Variants in PDCD11 observed in about 807,000 individuals in gnomAD.
The protein encoded by PDCD11 is programmed cell death 11.
PDCD11 carries 97 observed loss-of-function variants against 198.9 expected under a neutral mutation model. The ratio of observed to expected loss-of-function variants is 0.49; its 90% CI spans 0.41 to 0.58. The LOEUF (loss-of-function observed/expected upper bound fraction) is 0.58, where lower values mean the gene tolerates loss of function less well. Ranked by LOEUF, PDCD11 falls within the 20% of genes least tolerant of loss-of-function variation. PDCD11 has a pLI of 0.00. For missense variants in PDCD11, 2,102 were observed against 2,312.7 expected (o/e 0.91, Z 1.87); for synonymous variants, 893 against 918.0 (o/e 0.97, Z 0.49).
At chr10:103,405,853 C>A in intron 5 of PDCD11, 132 bp from the exon 6 acceptor site, 1 of 959,274 alleles carries the variant, frequency 1.0e-6, no homozygotes, top group South Asian at 1.5e-5. Flanking sequence ...GGGATTGTGG[C>A]TTAAGGTTTA....
At chr10:103,408,898 A>G (rs572400620) in intron 7 of PDCD11, among the ~76,000 whole-genome samples, 3 of 148,080 alleles carry the variant, frequency 2.0e-5, no homozygotes, top group Non-Finnish European at 3.0e-5. Context: ...AATTTGGGCA[A>G]CCTCCTAATG....
Position 103,414,400 on chromosome 10 carries a change from T to C in PDCD11, c.1371+70T>C, listed in dbSNP as rs531384984. ...GTTCTTTAGTTCACGCACAGGTGACTGTCAGCCCGTTAGTCCTCATGTTAA... is the reference window on the plus strand; with the variant it reads ...GTTCTTTAGTTCACGCACAGGTGACCGTCAGCCCGTTAGTCCTCATGTTAA... On this transcript the variant is annotated intron_variant, in intron 11 of 35. Coordinates refer to ENST00000369797, the MANE Select transcript of PDCD11 (RefSeq NM_014976.2). The C allele has an allele frequency of 1.8e-4, 190 of 1,075,888 alleles. 2 individuals are homozygous for C. In the East Asian group the frequency reaches 4.5e-3, roughly 25 times the overall value. The allele number at this position is 1,075,888 out of a possible 1,614,324, so 66.6% of individuals were successfully genotyped here.
At chr10:103,420,569 G>A (rs1477119899) in intron 16 of PDCD11, among the ~76,000 whole-genome samples, 1 of 152,192 alleles carries the variant, frequency 6.6e-6, no homozygotes, top group East Asian at 1.9e-4. Flanking sequence ...ATGGAAGACA[G>A]CGAGCAAATG....
Position 103,442,209 on chromosome 10 carries a change from G to C in PDCD11, c.4708-4G>C. ...ACTCACGGTGTTTCTGCTTTCCATA[G>C]CAGATAAAGAAAAGCAAGAAAGAAA... On this transcript the variant is annotated splice_region_variant and splice_polypyrimidine_tract_variant and intron_variant, in intron 31 of 35. Transcript: ENST00000369797. 1 of 1,613,838 alleles carries C rather than the reference G, an allele frequency of 6.2e-7. No homozygotes were observed. Among genetic ancestry groups the C allele is most frequent in the Non-Finnish European group, 8.5e-7 (1 of 1,179,936 alleles).
At position 103,427,389 on chromosome 10, in the gene PDCD11, A is replaced by G; in HGVS notation, c.3366A>G (p.Pro1122=). 6.2e-7 allele frequency: 1 copy of G among 1,611,038 alleles called. No homozygotes were observed. The highest frequency in any genetic ancestry group is 8.5e-7 in the Non-Finnish European group (1 of 1,178,354). The change falls in exon 21 of 36, where the codon CCA becomes CCG. Residue 1122 remains proline (P), a splice_region_variant and synonymous_variant. Coordinates refer to ENST00000369797, the MANE Select transcript of PDCD11 (RefSeq NM_014976.2). ...CCATCCCGGAGCTGAGTGTTCGGCC[A>G]AGGTGAGGGGGACATTAGCAGCACT... The part of the protein sequence containing the change: ...VRTIPELSVR[P]SELEDGHTAL...
chr10:103,414,945 A>G (rs1205828309), intron 11 of PDCD11, 60 bp from the exon 12 acceptor site: 14 of 1,588,336 alleles, frequency 8.8e-6, no homozygotes, highest in Non-Finnish European at 9.5e-6. Flanking sequence ...GCCTTGTTGT[A>G]AGAGGTGGGG....
In PDCD11 at chr10:103,418,534, T is replaced by G; in HGVS notation, c.2006T>G (p.Leu669Arg). 1 of 1,614,226 alleles carries G rather than the reference T, an allele frequency of 6.2e-7. No individual in the cohort carries two copies. The highest frequency in any genetic ancestry group is 2.2e-5 in the East Asian group (1 of 44,882). Residue 669 changes from leucine (L) to arginine (R), a missense_variant, in exon 15 of 36, where the codon CTG becomes CGG. Coordinates refer to ENST00000369797, the MANE Select transcript of PDCD11 (RefSeq NM_014976.2). ...NIRAFLPTSHLSDHVANGPLL... is the reference protein window; with the variant it reads ...NIRAFLPTSHRSDHVANGPLL... Reference sequence around the variant, plus strand: ...CGTGCTTTCCTCCCCACATCTCATCTGTCGGACCACGTTGCCAACGGCCCA... The same window carrying G: ...CGTGCTTTCCTCCCCACATCTCATCGGTCGGACCACGTTGCCAACGGCCCA...
chr10:103,444,019 C>G lies in PDCD11; in HGVS notation c.5229C>G (p.Ala1743=). 1 of 1,612,922 alleles carries G rather than the reference C, an allele frequency of 6.2e-7. No homozygotes were observed. Residue 1743 remains alanine, a synonymous_variant, in exon 34 of 36, where the codon GCC becomes GCG. Transcript: ENST00000369797. ...AFLLRRSQAA[A]SHRVLQRALE... ...TTCTGCGGAGGAGCCAGGCTGCAGCCAGTCACCGCGTGCTGCAGCGAGCCC... is the reference window on the plus strand; with the variant it reads ...TTCTGCGGAGGAGCCAGGCTGCAGCGAGTCACCGCGTGCTGCAGCGAGCCC...
chr10:103,406,734 A>G lies in PDCD11; in HGVS notation c.814A>G (p.Ser272Gly). 6.2e-7 allele frequency: 1 copy of G among 1,614,210 alleles called. No individual in the cohort carries two copies. The highest frequency in any genetic ancestry group is 1.3e-5 in the African/African-American group (1 of 75,060). ...VSTAIATEQQSWNLNNLLPGL... is the reference protein window; with the variant it reads ...VSTAIATEQQGWNLNNLLPGL... Reference sequence around the variant, plus strand: ...TACGGCCATTGCTACTGAACAGCAGAGCTGGAACCTTAATAACTTGCTACC... The same window carrying G: ...TACGGCCATTGCTACTGAACAGCAGGGCTGGAACCTTAATAACTTGCTACC... Residue 272 changes from serine to glycine, a missense_variant, in exon 7 of 36, where the codon AGC becomes GGC. By Grantham distance (56) the Ser-to-Gly change is moderately conservative. Coordinates refer to ENST00000369797, the MANE Select transcript of PDCD11 (RefSeq NM_014976.2).
intron 34 of PDCD11, 116 bp downstream of exon 34, chr10:103,444,184 C>T (rs2032505847): frequency 1.2e-6 from 1 of 835,970 alleles, no homozygotes; most frequent in Non-Finnish European, 1.8e-6. Flanking sequence ...TTTCCTCTTG[C>T]TGCCTGTTGA....
chr10:103,401,985 G>T (rs1017099770), intron 3 of PDCD11, among the ~76,000 whole-genome samples: 7 of 152,030 alleles, frequency 4.6e-5, no homozygotes, highest in African/African-American at 1.7e-4. Flanking sequence ...CTTGTAATCT[G>T]CCCGCCTCCG....
chr10:103,402,021 C>T (rs7076463), intron 3 of PDCD11, among the ~76,000 whole-genome samples: 40,661 of 152,124 alleles, frequency 0.27, 6,553 homozygotes, highest in South Asian at 0.5. Context: ...GGATTACAGG[C>T]GTGAGCCACT....
intron 4 of PDCD11, 65 bp downstream of exon 4, chr10:103,403,350 C>A (rs945749359): frequency 3.4e-6 from 5 of 1,477,518 alleles, no homozygotes; most frequent in Middle Eastern, 1.8e-4. Context: ...TTTAAAATTA[C>A]AACTTTGCCA....
intron 28 of PDCD11, 42 bp from the exon 29 acceptor site, chr10:103,440,248 C>T (rs775611715): frequency 2.5e-6 from 4 of 1,569,774 alleles, no homozygotes; most frequent in South Asian, 1.2e-5. Flanking sequence ...GTGCCCTCTG[C>T]TTTTTATGAT....
chr10:103,406,868 T>C (rs2030486732), intron 7 of PDCD11, 78 bp downstream of exon 7: 17 of 1,184,730 alleles, frequency 1.4e-5, no homozygotes, highest in Non-Finnish European at 2.0e-5. Context: ...AGTCTAAAAC[T>C]ACTGTCTGAT....
chr10:103,443,153 C>T lies in PDCD11; in HGVS notation c.4956-12C>T. 1 of 1,564,388 alleles carries T rather than the reference C, an allele frequency of 6.4e-7. No individual in the cohort carries two copies. Among genetic ancestry groups the T allele is most frequent in the Non-Finnish European group, 8.7e-7 (1 of 1,149,144 alleles). ...TCATGTGGCGCTCATGTGCTGACTG[C>T]TCTCCCTCCAGAGAGGAGCAGGAGA... On this transcript the variant is annotated splice_polypyrimidine_tract_variant and intron_variant, in intron 32 of 35. Transcript: ENST00000369797.
In PDCD11 at chr10:103,445,443, G is replaced by A. The variant is rs2032567405; in HGVS notation, c.5510G>A (p.Arg1837His). 1.2e-5 allele frequency: 19 copies of A among 1,614,162 alleles called. No homozygotes were observed. In the African/African-American group the frequency reaches 1.3e-4, roughly 11 times the overall value. ...APKRMKFFFK[R>H]YLDYEKQHGT... ...AAGAGAATGAAGTTCTTCTTCAAGC[G>A]CTACCTGGACTACGAGAAGCAGCAT... Residue 1837 changes from arginine (R) to histidine (H), a missense_variant, in exon 36 of 36, where the codon CGC becomes CAC. Transcript: ENST00000369797.
chr10:103,425,269 G>T lies in PDCD11; in HGVS notation c.3049G>T (p.Glu1017Ter). The T allele has an allele frequency of 6.2e-7, 1 of 1,614,168 alleles. No individual in the cohort carries two copies. The highest frequency in any genetic ancestry group is 1.7e-5 in the Admixed American group (1 of 60,028). The change falls in exon 20 of 36, where the codon GAA (glutamate) becomes TAA (stop). Residue 1017 changes from glutamate (E) to a stop codon, truncating the protein, a stop_gained. Transcript: ENST00000369797. LOFTEE classifies it high-confidence loss of function. ...QKDSETVDED[E>*]EVDPALTVGT... ...GGACTCTGAGACAGTTGATGAGGAT[G>T]AAGAAGTGGATCCAGCTCTGACTGT...
rs1412300628 is a variant in PDCD11, at chr10:103,416,610, T to G, written c.1638T>G (p.His546Gln). The G allele has an allele frequency of 6.2e-7, 1 of 1,614,064 alleles. No homozygotes were observed. The highest frequency in any genetic ancestry group is 1.3e-5 in the African/African-American group (1 of 74,914). The change falls in exon 13 of 36, where the codon CAT becomes CAG. Residue 546 changes from histidine to glutamine, a missense_variant. Transcript: ENST00000369797. ...YADAKPGLQT[H>Q]GFIIRVKDYG... ...ATGCCAAGCCTGGTCTGCAGACACATGGCTTCATCATCAGGGTCAAGGACT... is the reference window on the plus strand; with the variant it reads ...ATGCCAAGCCTGGTCTGCAGACACAGGGCTTCATCATCAGGGTCAAGGACT...
Sources: allele counts gnomAD v4.1 joint callset (sites outside exome capture counted in the v4.1 genomes callset), GRCh38; gene constraint gnomAD v4.1.1; transcripts MANE v1.5; gene names NCBI Gene and HGNC (gene_info 2026-07-23, HGNC 2026-07-21).